KCNN2: variants seen among roughly 807,000 people sequenced by gnomAD.
KCNN2 encodes small conductance calcium-activated potassium channel protein 2.
Under a neutral mutation model 55.5 loss-of-function variants are expected in KCNN2, and 24 were observed. That is an observed-to-expected ratio of 0.43 (90% CI 0.31 to 0.61). The LOEUF is 0.61. Ranked by LOEUF, KCNN2 falls within the 20% of genes least tolerant of loss-of-function variation. KCNN2 has a pLI of 0.08. For missense variants in KCNN2, 754 were observed against 853.6 expected, an observed-to-expected ratio of 0.88 and a Z score of 1.45; for synonymous variants, 431 against 336.1, an observed-to-expected ratio of 1.28 and a Z score of -3.09.
At chr5:114,074,385 A>C (rs1448309525) in intron 1 of KCNN2, among the ~76,000 whole-genome samples, 1 of 151,946 alleles carries the variant, frequency 6.6e-6, no homozygotes, top group African/African-American at 2.4e-5. Flanking sequence ...TGTTAAAATG[A>C]ATTCTTCCAC....
intron 2 of KCNN2, among the ~76,000 whole-genome samples, chr5:114,293,573 G>A (rs1180230845): frequency 6.6e-6 from 1 of 152,182 alleles, no homozygotes; most frequent in East Asian, 1.9e-4. Context: ...GGTTTTTGAT[G>A]TGCTGCTGGA....
intron 1 of KCNN2, among the ~76,000 whole-genome samples, chr5:114,172,705 C>T (rs778823252): frequency 6.6e-5 from 10 of 150,624 alleles, no homozygotes; most frequent in Non-Finnish European, 1.2e-4. Context: ...TGCTGAGCAC[C>T]TTTTCATATG....
intron 5 of KCNN2, among the ~76,000 whole-genome samples, chr5:114,475,670 C>G (rs755067234): frequency 6.6e-6 from 1 of 151,996 alleles, no homozygotes; most frequent in Non-Finnish European, 1.5e-5. Flanking sequence ...GAAAATCAGA[C>G]GAAATCTCAG....
chr5:114,330,418 T>A (rs73779798), intron 2 of KCNN2, among the ~76,000 whole-genome samples: 6 of 152,238 alleles, frequency 3.9e-5, no homozygotes, highest in African/African-American at 9.6e-5. Flanking sequence ...TACATACTTA[T>A]TACATTTCTG....
At chr5:114,319,332 C>G (rs1166060801) in intron 2 of KCNN2, among the ~76,000 whole-genome samples, 5 of 152,098 alleles carry the variant, frequency 3.3e-5, no homozygotes, top group African/African-American at 1.2e-4. Context: ...CTGAAGAGCC[C>G]TATGAAGACA....
At chr5:114,276,681 T>A (rs1755495365) in intron 2 of KCNN2, among the ~76,000 whole-genome samples, 1 of 144,474 alleles carries the variant, frequency 6.9e-6, no homozygotes, top group Non-Finnish European at 1.5e-5. Flanking sequence ...TTGCTTTCCA[T>A]TTGCTTGGTA....
chr5:114,420,199 CTAAAACATAGTCAT>C (rs1230570872), intron 3 of KCNN2, among the ~76,000 whole-genome samples: 1 of 152,210 alleles, frequency 6.6e-6, no homozygotes, highest in African/African-American at 2.4e-5. Flanking sequence ...ACAGTAGCCT[CTAAAACATAGTCAT>C]TGGACATTGG....
intron 2 of KCNN2, among the ~76,000 whole-genome samples, chr5:114,399,338 T>G (rs1216623319): frequency 6.6e-6 from 1 of 152,198 alleles, no homozygotes; most frequent in African/African-American, 2.4e-5. Flanking sequence ...AGACCTTTTC[T>G]GCATCTATTG....
chr5:114,399,127 C>G (rs1312134632), intron 2 of KCNN2, among the ~76,000 whole-genome samples: 8 of 152,162 alleles, frequency 5.3e-5, no homozygotes, highest in Non-Finnish European at 1.2e-4. Flanking sequence ...TGCCAGTTTT[C>G]TAAGGGAATG....
intron 2 of KCNN2, among the ~76,000 whole-genome samples, chr5:114,290,232 G>C (rs1755855246): frequency 6.6e-6 from 1 of 152,014 alleles, no homozygotes; most frequent in South Asian, 2.1e-4. Context: ...TCTGGTGCTG[G>C]ACTTTTCTTT....
chr5:114,494,852 A>G (rs937727004), intron 7 of KCNN2, among the ~76,000 whole-genome samples: 5 of 152,252 alleles, frequency 3.3e-5, no homozygotes, highest in Admixed American at 1.3e-4. Context: ...TATTCTGAAT[A>G]ATAACTCCCT....
At chr5:114,292,781 C>A (rs1052876013) in intron 2 of KCNN2, among the ~76,000 whole-genome samples, 4 of 152,248 alleles carry the variant, frequency 2.6e-5, no homozygotes, top group Admixed American at 1.3e-4. Flanking sequence ...ATTACCTTGG[C>A]AGTATGGCCA....
intron 2 of KCNN2, among the ~76,000 whole-genome samples, chr5:114,354,274 T>C (rs1757260737): frequency 1.3e-5 from 2 of 152,132 alleles, no homozygotes; most frequent in African/African-American, 4.8e-5. Flanking sequence ...AATTTCTGTT[T>C]ATTTATCAAT....
intron 2 of KCNN2, among the ~76,000 whole-genome samples, chr5:114,279,422 G>A (rs373984242): frequency 2.0e-5 from 3 of 151,994 alleles, no homozygotes; most frequent in African/African-American, 4.8e-5. Context: ...TTTACATTAG[G>A]TATATCTCCT....
At chr5:114,346,345 T>C (rs1452376111) in intron 2 of KCNN2, among the ~76,000 whole-genome samples, 5 of 152,172 alleles carry the variant, frequency 3.3e-5, no homozygotes, top group Admixed American at 2.6e-4. Context: ...ATACAAACTC[T>C]GTCAACATGT....
intron 2 of KCNN2, among the ~76,000 whole-genome samples, chr5:114,234,980 G>C (rs1394835974): frequency 1.3e-5 from 2 of 152,046 alleles, no homozygotes; most frequent in African/African-American, 2.4e-5. Context: ...GTCCTGTTTT[G>C]GGGGCTATGG....
At chr5:114,157,832 T>C (rs1482322696) in intron 1 of KCNN2, among the ~76,000 whole-genome samples, 4 of 151,286 alleles carry the variant, frequency 2.6e-5, no homozygotes, top group Admixed American at 1.3e-4. Flanking sequence ...TCATTTCCTT[T>C]GCCCACTTTT....
At chr5:114,079,120 G>A (rs1750746220) in intron 1 of KCNN2, among the ~76,000 whole-genome samples, 1 of 151,994 alleles carries the variant, frequency 6.6e-6, no homozygotes, top group Non-Finnish European at 1.5e-5. Flanking sequence ...CTATACAGAG[G>A]CATTGACTCA....
chr5:114,217,633 C>T (rs151165669), intron 1 of KCNN2, among the ~76,000 whole-genome samples: 287 of 152,152 alleles, frequency 1.9e-3, no homozygotes, highest in African/African-American at 6.6e-3. Flanking sequence ...AATGTTAACA[C>T]GAAAGTATAA....
Sources: allele counts gnomAD v4.1 joint callset (sites outside exome capture counted in the v4.1 genomes callset), GRCh38; gene constraint gnomAD v4.1.1; transcripts MANE v1.5; gene names NCBI Gene and HGNC (gene_info 2026-07-23, HGNC 2026-07-21).